The following GNAQ variants were observed in gnomAD, a reference collection of about 807,000 sequenced individuals.
GNAQ encodes the protein guanine nucleotide-binding protein G(q) subunit alpha.
GNAQ carries 8 observed loss-of-function variants against 43.9 expected under a neutral mutation model. That is an observed-to-expected ratio of 0.18 (90% CI 0.11 to 0.33). The LOEUF (loss-of-function observed/expected upper bound fraction) is 0.33, where lower values mean the gene tolerates loss of function less well. Among genes scored for constraint, GNAQ ranks in the 10% least tolerant of loss-of-function variants. The pLI is 1.00. For synonymous variants in GNAQ, 155 were observed against 170.7 expected, an observed-to-expected ratio of 0.91 and a Z score of 0.71; for missense variants, 158 against 450.8, an observed-to-expected ratio of 0.35 and a Z score of 5.88.
At chr9:77,982,733 TA>T (rs562254223) in intron 1 of GNAQ, among the ~76,000 whole-genome samples, 10,583 of 121,770 alleles carry the variant, frequency 0.087, 389 homozygotes, top group Admixed American at 0.096. Flanking sequence ...ATTCTATGTT[TA>T]AAAAAAAAAA....
intron 2 of GNAQ, among the ~76,000 whole-genome samples, chr9:77,903,545 C>T (rs1828647258): frequency 6.6e-6 from 1 of 152,110 alleles, no homozygotes; most frequent in South Asian, 2.1e-4. Context: ...ATGATAATTC[C>T]CTTCCTTTCC....
intron 2 of GNAQ, among the ~76,000 whole-genome samples, chr9:77,914,827 C>CTAAAAAAAA: frequency 1.1e-5 from 1 of 91,148 alleles, no homozygotes. Context: ...CTTTTGAACA[C>CTAAAAAAAA]CAAAAAAAAA....
At chr9:77,874,111 A>AAAAC (rs1189832862) in intron 2 of GNAQ, among the ~76,000 whole-genome samples, 41 of 136,028 alleles carry the variant, frequency 3.0e-4, no homozygotes, top group African/African-American at 1.3e-3. Flanking sequence ...TCTCAAAAAA[A>AAAAC]AAAAACAAAA....
chr9:77,828,759 A>T (rs1827248189), intron 2 of GNAQ, among the ~76,000 whole-genome samples: 2 of 152,366 alleles, frequency 1.3e-5, no homozygotes, highest in South Asian at 4.1e-4. Flanking sequence ...TGACCAGTAC[A>T]GGACAGAAAA....
chr9:77,836,824 G>A (rs1048934850), intron 2 of GNAQ, among the ~76,000 whole-genome samples: 1 of 152,040 alleles, frequency 6.6e-6, no homozygotes, highest in Non-Finnish European at 1.5e-5. Context: ...CTAAAATTGT[G>A]AAAATTATGT....
chr9:77,770,704 A>T (rs1826210475), intron 5 of GNAQ, among the ~76,000 whole-genome samples: 1 of 152,206 alleles, frequency 6.6e-6, no homozygotes, highest in African/African-American at 2.4e-5. Flanking sequence ...GAACTCGGGC[A>T]AGAACTTGCT....
chr9:77,965,234 A>G (rs1418405711), intron 1 of GNAQ, among the ~76,000 whole-genome samples: 1 of 152,138 alleles, frequency 6.6e-6, no homozygotes, highest in African/African-American at 2.4e-5. Context: ...AATTATATAA[A>G]GCACCCACAC....
At chr9:77,977,655 G>A (rs772190419) in intron 1 of GNAQ, among the ~76,000 whole-genome samples, 8 of 152,302 alleles carry the variant, frequency 5.3e-5, no homozygotes, top group East Asian at 1.9e-4. Flanking sequence ...AACAAGAAGC[G>A]GGGTTCTGCA....
intron 5 of GNAQ, among the ~76,000 whole-genome samples, chr9:77,783,536 C>T (rs527574565): frequency 1.3e-3 from 205 of 152,292 alleles, no homozygotes; most frequent in Non-Finnish European, 2.3e-3. Flanking sequence ...TTCCTTCTCA[C>T]GTTGGTCCCA....
intron 1 of GNAQ, among the ~76,000 whole-genome samples, chr9:77,954,946 A>G (rs960416254): frequency 6.6e-6 from 1 of 152,164 alleles, no homozygotes; most frequent in Non-Finnish European, 1.5e-5. Context: ...ATTTTCATTA[A>G]ATTTGTTCTT....
chr9:77,746,055 T>C (rs756836940), intron 5 of GNAQ, among the ~76,000 whole-genome samples: 1 of 152,176 alleles, frequency 6.6e-6, no homozygotes, highest in Non-Finnish European at 1.5e-5. Context: ...CGAAGAGCCA[T>C]GGATTTTTTG....
At chr9:77,856,098 G>A (rs1024623401) in intron 2 of GNAQ, among the ~76,000 whole-genome samples, 10 of 152,124 alleles carry the variant, frequency 6.6e-5, no homozygotes, top group African/African-American at 2.2e-4. Context: ...ATTTTGGCAT[G>A]GGTAGTGCTG....
At chr9:77,885,149 C>G (rs1278390412) in intron 2 of GNAQ, among the ~76,000 whole-genome samples, 1 of 152,074 alleles carries the variant, frequency 6.6e-6, no homozygotes, top group African/African-American at 2.4e-5. Context: ...GCTAAGAAAA[C>G]CAGAGGTAAG....
chr9:77,816,793 C>G (rs546350074), intron 2 of GNAQ, among the ~76,000 whole-genome samples: 2 of 152,254 alleles, frequency 1.3e-5, no homozygotes, highest in South Asian at 4.2e-4. Context: ...CATGGCCAAA[C>G]TATTCATTTC....
At chr9:77,943,691 T>C (rs543711476) in intron 1 of GNAQ, among the ~76,000 whole-genome samples, 143 of 147,528 alleles carry the variant, frequency 9.7e-4, no homozygotes, top group African/African-American at 3.5e-3. Flanking sequence ...TGAGACGACG[T>C]CTTGCTCTGT....
In GNAQ at chr9:77,977,586, A is replaced by G. The variant is rs150957534; in HGVS notation, c.136+53514T>C. Among the ~76,000 whole-genome samples, 240 of 152,282 alleles carry G rather than the reference A, an allele frequency of 1.6e-3. 2 individuals are homozygous for G. Among genetic ancestry groups the G allele is most frequent in the African/African-American group, 4.8e-3 (201 of 41,560 alleles). ...GCCCTGAAGCTCAGCCACTCCTCAG[A>G]CTAGAGAAAACAAAGGCAACGCAGA... is the stretch of plus-strand genomic sequence containing the variant. On this transcript the variant is annotated intron_variant, in intron 1 of 6. Transcript: ENST00000286548.
chr9:77,792,932 TC>T (rs1328937657), intron 5 of GNAQ, among the ~76,000 whole-genome samples: 102 of 152,270 alleles, frequency 6.7e-4, no homozygotes, highest in East Asian at 7.7e-4. Context: ...TATAAGGTCT[TC>T]TAGGGCAGAG....
At chr9:77,919,848 G>T (rs1379859658) in intron 2 of GNAQ, among the ~76,000 whole-genome samples, 1 of 152,050 alleles carries the variant, frequency 6.6e-6, no homozygotes, top group African/African-American at 2.4e-5. Flanking sequence ...TACTTAATTA[G>T]AATTGACATG....
intron 5 of GNAQ, among the ~76,000 whole-genome samples, chr9:77,789,324 G>A (rs1442961548): frequency 2.0e-5 from 3 of 152,048 alleles, no homozygotes; most frequent in Non-Finnish European, 4.4e-5. Flanking sequence ...TAAATGGCAA[G>A]CTACAAAGTG....
Sources: allele counts gnomAD v4.1 joint callset (sites outside exome capture counted in the v4.1 genomes callset), GRCh38; gene constraint gnomAD v4.1.1; transcripts MANE v1.5; gene names NCBI Gene and HGNC (gene_info 2026-07-23, HGNC 2026-07-21).